CFAP299: variants seen among roughly 807,000 people sequenced by gnomAD.
CFAP299 encodes the protein cilia- and flagella-associated protein 299.
A neutral mutation model predicts 27.0 loss-of-function variants in CFAP299; 21 were observed. The observed-to-expected ratio is 0.78, with a 90% CI of 0.55 to 1.12. CFAP299 has a LOEUF of 1.12. CFAP299 is among the 50% of genes most tolerant of loss of function. The pLI is 0.00. For missense variants in CFAP299, 310 were observed against 276.6 expected, an observed-to-expected ratio of 1.12 and a Z score of -0.86; for synonymous variants, 104 against 98.1, an observed-to-expected ratio of 1.06 and a Z score of -0.36.
intron 3 of CFAP299, among the ~76,000 whole-genome samples, chr4:80,688,799 A>C (rs1489679820): frequency 1.3e-5 from 2 of 152,086 alleles, no homozygotes; most frequent in African/African-American, 2.4e-5. Context: ...CTTTGAAAAA[A>C]ATTTAGAAGA....
At chr4:80,623,459 T>C (rs1163652593) in intron 3 of CFAP299, among the ~76,000 whole-genome samples, 4 of 152,160 alleles carry the variant, frequency 2.6e-5, no homozygotes, top group African/African-American at 9.6e-5. Flanking sequence ...AAAGTAGAAC[T>C]CTTTGGCAGT....
intron 3 of CFAP299, among the ~76,000 whole-genome samples, chr4:80,848,930 T>C (rs1418521410): frequency 6.6e-6 from 1 of 152,236 alleles, no homozygotes; most frequent in East Asian, 1.9e-4. Context: ...AGGACATTAC[T>C]GTACACTATG....
At chr4:80,736,549 A>G (rs1412355106) in intron 3 of CFAP299, among the ~76,000 whole-genome samples, 151 of 152,240 alleles carry the variant, frequency 9.9e-4, no homozygotes, top group Non-Finnish European at 6.5e-4. Flanking sequence ...GCAGCCAAAA[A>G]ACACATGAAA....
intron 3 of CFAP299, among the ~76,000 whole-genome samples, chr4:80,863,001 GGTC>G (rs1356114367): frequency 6.6e-6 from 1 of 151,998 alleles, no homozygotes; most frequent in Non-Finnish European, 1.5e-5. Context: ...CAAAAAGAAG[GGTC>G]CCTAAAATTA....
At position 80,578,126 on chromosome 4, in the gene CFAP299, A is replaced by G. The variant is rs557744687; in HGVS notation, c.243-4967A>G. Among the ~76,000 whole-genome samples the G allele has an allele frequency of 6.6e-5, 10 of 152,318 alleles. No homozygotes were observed. The East Asian group carries it at 1.9e-3, about 29-fold the overall frequency. On this transcript the variant is annotated intron_variant, in intron 2 of 5. Transcript: ENST00000358105. The stretch of plus-strand genomic sequence containing the variant: ...GAAAGTGCAGTGGAGTATGAACAAT[A>G]AAGATGGAGTATTTGCCTTTGTAGA...
At chr4:80,633,629 A>C (rs562782812) in intron 3 of CFAP299, among the ~76,000 whole-genome samples, 1 of 152,294 alleles carries the variant, frequency 6.6e-6, no homozygotes, top group South Asian at 2.1e-4. Context: ...TTAGGGGTTT[A>C]GATATGGCAA....
At chr4:80,504,462 CATATATATATATATATATAT>C (rs56729877) in intron 2 of CFAP299, among the ~76,000 whole-genome samples, 65 of 37,776 alleles carry the variant, frequency 1.7e-3, no homozygotes, top group Admixed American at 3.2e-3. Flanking sequence ...TAAAATCTCA[CATATATATATATATATATAT>C]ATATATATAT....
At chr4:80,423,519 G>C (rs925551264) in intron 2 of CFAP299, among the ~76,000 whole-genome samples, 1 of 152,158 alleles carries the variant, frequency 6.6e-6, no homozygotes, top group African/African-American at 2.4e-5. Context: ...ACTGGGCCAA[G>C]GTCTCAACTG....
At position 80,866,689 on chromosome 4, in the gene CFAP299, C is replaced by T. The variant is rs146757470; in HGVS notation, c.334-3304C>T. ...TCTAGAGGGACCCGCACTTATAGTC[C>T]GCTTGACCTCACTTAAAGTCCTCCA... On this transcript the variant is annotated intron_variant, in intron 3 of 5. Transcript: ENST00000358105. 1.4e-4 allele frequency among the ~76,000 whole-genome samples: 22 copies of T among 152,166 alleles called. 1 individual carries two copies. The highest frequency in any genetic ancestry group is 3.4e-4 in the African/African-American group (14 of 41,524).
At chr4:80,399,333 A>G (rs1383402503) in intron 2 of CFAP299, among the ~76,000 whole-genome samples, 1 of 152,182 alleles carries the variant, frequency 6.6e-6, no homozygotes, top group Non-Finnish European at 1.5e-5. Flanking sequence ...CAGCCATCCC[A>G]TTACTGGGTA....
At chr4:80,650,480 C>A (rs1441895191) in intron 3 of CFAP299, among the ~76,000 whole-genome samples, 1 of 152,036 alleles carries the variant, frequency 6.6e-6, no homozygotes, top group Non-Finnish European at 1.5e-5. Context: ...ATGACTTACA[C>A]AAATGTTATC....
intron 1 of CFAP299, among the ~76,000 whole-genome samples, chr4:80,354,993 T>C (rs779143171): frequency 5.3e-5 from 8 of 152,190 alleles, no homozygotes; most frequent in Non-Finnish European, 1.0e-4. Context: ...TACATGTGCA[T>C]GTATATTTAT....
chr4:80,656,333 A>G (rs536161680), intron 3 of CFAP299, among the ~76,000 whole-genome samples: 4 of 151,270 alleles, frequency 2.6e-5, no homozygotes, highest in Middle Eastern at 3.4e-3. Context: ...CCATCACCCC[A>G]TCATCTACAC....
intron 2 of CFAP299, among the ~76,000 whole-genome samples, chr4:80,370,918 G>T (rs1419487065): frequency 6.6e-6 from 1 of 152,262 alleles, no homozygotes; most frequent in African/African-American, 2.4e-5. Flanking sequence ...GGGCCTCTGT[G>T]TGAGAGCTCT....
intron 2 of CFAP299, among the ~76,000 whole-genome samples, chr4:80,526,474 TTAAAA>T (rs1733179668): frequency 6.6e-6 from 1 of 152,082 alleles, no homozygotes. Context: ...AAAGAGTAAA[TTAAAA>T]TATCTAAATA....
intron 3 of CFAP299, among the ~76,000 whole-genome samples, chr4:80,846,515 A>G (rs1007897527): frequency 4.6e-5 from 7 of 152,144 alleles, no homozygotes; most frequent in Non-Finnish European, 8.8e-5. Context: ...TGGGTTTTTA[A>G]ATTCATAATT....
chr4:80,898,382 T>C (rs1435368607), intron 4 of CFAP299, among the ~76,000 whole-genome samples: 1 of 152,050 alleles, frequency 6.6e-6, no homozygotes, highest in Non-Finnish European at 1.5e-5. Context: ...CTCAAGCTGC[T>C]TCTCTCTAAC....
chr4:80,487,915 G>A (rs1345635012), intron 2 of CFAP299, among the ~76,000 whole-genome samples: 1 of 152,120 alleles, frequency 6.6e-6, no homozygotes, highest in Non-Finnish European at 1.5e-5. Context: ...AAGTAATGAT[G>A]GTTCAGTACC....
chr4:80,521,788 T>C (rs1456106445), intron 2 of CFAP299, among the ~76,000 whole-genome samples: 1 of 149,676 alleles, frequency 6.7e-6, no homozygotes, highest in Non-Finnish European at 1.5e-5. Context: ...CATGACAGGA[T>C]TCCCTTTTTT....
Sources: gnomAD v4.1 joint callset for allele counts (sites outside exome capture counted in the v4.1 genomes callset) on GRCh38, gnomAD v4.1.1 for gene constraint, MANE v1.5 for transcripts, NCBI Gene and HGNC (gene_info 2026-07-23, HGNC 2026-07-21) for gene names.